Variants in LRRIQ1 observed in about 807,000 individuals in gnomAD.
LRRIQ1 encodes the protein leucine-rich repeat- and IQ domain-containing protein 1.
LRRIQ1 carries 210 observed loss-of-function variants against 211.9 expected under a neutral mutation model. The observed-to-expected ratio is 0.99, with a 90% confidence interval of 0.89 to 1.11. The LOEUF (loss-of-function observed/expected upper bound fraction) is 1.11. LRRIQ1 is among the 50% of genes most tolerant of loss of function. The pLI is 0.00. For synonymous variants in LRRIQ1, 699 were observed against 650.1 expected (o/e 1.08, Z -1.14); for missense variants, 2,136 against 1,939.5 (o/e 1.10, Z -1.90).
rs141856803 is a variant in LRRIQ1 at position 85,104,016 on chromosome 12, C to T, written c.3222C>T (p.Ile1074=). ...TTTTTGTTTTCAGCTTGACTAAAAT[C>T]GTACCACTTTTTCATTTTGTTTCAT... ...ITISQNSLTK[I]VPLFHFVSLE... is the part of the protein sequence containing the mutation. The change falls in exon 14 of 27, where the codon ATC becomes ATT. Residue 1074 remains isoleucine, a synonymous_variant. Transcript: ENST00000393217. 13 of 1,565,966 alleles carry T rather than the reference C, an allele frequency of 8.3e-6. No homozygotes were observed. The highest frequency in any genetic ancestry group is 3.5e-4 in the Middle Eastern group (2 of 5,678).
chr12:85,195,815 A>G (rs1297684368), intron 24 of LRRIQ1, among the ~76,000 whole-genome samples: 1 of 152,116 alleles, frequency 6.6e-6, no homozygotes, highest in Non-Finnish European at 1.5e-5. Flanking sequence ...AGTGTTGGAA[A>G]TTCTGACCAG....
At chr12:85,104,977 T>C (rs1886664523) in intron 14 of LRRIQ1, among the ~76,000 whole-genome samples, 2 of 152,108 alleles carry the variant, frequency 1.3e-5, no homozygotes, top group Non-Finnish European at 2.9e-5. Flanking sequence ...TGGTTTTAGT[T>C]TGCATTGACC....
At position 85,253,206 on chromosome 12, in the gene LRRIQ1, A is replaced by G. The variant is rs972748619; in HGVS notation, c.121+8297A>G. ...TCTTGAGTTTTCTCTTTCCATTCCT[A>G]CAGCAAGGAGTGCTTGGGTGAGAAG... On this transcript the variant is annotated intron_variant, in intron 1 of 1. Transcript: ENST00000602731. 1.1e-4 allele frequency among the ~76,000 whole-genome samples: 16 copies of G among 152,110 alleles called. No homozygotes were observed. In the East Asian group the frequency reaches 2.5e-3, roughly 24 times the overall value.
intron 10 of LRRIQ1, among the ~76,000 whole-genome samples, chr12:85,070,717 G>A (rs761328309): frequency 2.0e-5 from 3 of 151,764 alleles, no homozygotes; most frequent in African/African-American, 4.8e-5. Context: ...TTTGTATTGT[G>A]AACTTGAATT....
chr12:85,184,953 C>A (rs967012872), intron 24 of LRRIQ1, among the ~76,000 whole-genome samples: 1 of 151,834 alleles, frequency 6.6e-6, no homozygotes, highest in Non-Finnish European at 1.5e-5. Context: ...TTAGCCTGAG[C>A]TATTTAAAGT....
rs555072438 is a variant in LRRIQ1, at chr12:85,218,538, T to C, written c.4823-10979T>C. On this transcript the variant is annotated intron_variant, in intron 24 of 26. Coordinates refer to ENST00000393217, the MANE Select transcript of LRRIQ1 (RefSeq NM_001079910.2). ...AAGATAAATACTTTACCCAACATTA[T>C]ACAGCTAGTAAGTGAAAAAGCCAAC... Among the ~76,000 whole-genome samples, 80 of 152,262 alleles carry C rather than the reference T, an allele frequency of 5.3e-4. 1 individual carries two copies. Among genetic ancestry groups the C allele is most frequent in the South Asian group, 1.2e-3 (6 of 4,828 alleles).
intron 24 of LRRIQ1, among the ~76,000 whole-genome samples, chr12:85,187,530 G>A (rs1388990268): frequency 6.6e-6 from 1 of 152,008 alleles, no homozygotes; most frequent in Non-Finnish European, 1.5e-5. Context: ...GGGTCAGCCG[G>A]GCGCGGTGGT....
intron 1 of LRRIQ1, among the ~76,000 whole-genome samples, chr12:85,252,482 A>G (rs1377177350): frequency 6.6e-6 from 1 of 151,988 alleles, no homozygotes; most frequent in African/African-American, 2.4e-5. Flanking sequence ...ATTAAAGTGT[A>G]TGAAGTTTTT....
intron 18 of LRRIQ1, among the ~76,000 whole-genome samples, chr12:85,131,181 C>T (rs988103683): frequency 1.3e-5 from 2 of 151,698 alleles, no homozygotes; most frequent in African/African-American, 2.4e-5. Flanking sequence ...CCACTGCACT[C>T]CAGCCTGGGC....
At chr12:85,220,173 A>C (rs1366029170) in intron 24 of LRRIQ1, among the ~76,000 whole-genome samples, 2 of 152,160 alleles carry the variant, frequency 1.3e-5, no homozygotes, top group Admixed American at 1.3e-4. Flanking sequence ...AGCCACAACT[A>C]TGTCCTCCAA....
chr12:85,198,787 C>G lies in LRRIQ1; in HGVS notation c.4823-30730C>G, dbSNP rs989985107. ...GTTCCACCATGTTAGCCAGAATGGT[C>G]TTGATTTGCTGACCTCGTGATCCAC... On this transcript the variant is annotated intron_variant, in intron 24 of 26. Transcript: ENST00000393217. Among the ~76,000 whole-genome samples, 4 of 152,088 alleles carry G rather than the reference C, an allele frequency of 2.6e-5. No individual in the cohort carries two copies. The South Asian group carries it at 8.3e-4, about 32-fold the overall frequency.
intron 3 of LRRIQ1, 113 bp from the exon 4 acceptor site, chr12:85,044,605 C>A: frequency 2.2e-6 from 1 of 447,868 alleles, no homozygotes; most frequent in South Asian, 5.9e-5. Context: ...TCTTACTGAT[C>A]AACAATATAC....
At chr12:85,108,705 A>G (rs1327151874) in intron 15 of LRRIQ1, among the ~76,000 whole-genome samples, 2 of 152,052 alleles carry the variant, frequency 1.3e-5, no homozygotes, top group Non-Finnish European at 2.9e-5. Flanking sequence ...CACTTTTGAG[A>G]TGGTTTCACA....
intron 15 of LRRIQ1, among the ~76,000 whole-genome samples, chr12:85,114,380 T>G (rs530840774): frequency 6.6e-6 from 1 of 152,244 alleles, no homozygotes; most frequent in East Asian, 1.9e-4. Context: ...ATGACATGAA[T>G]TATCTTGCTG....
Position 85,042,612 on chromosome 12 carries a change from T to C in LRRIQ1, c.244+2011T>C, listed in dbSNP as rs1005556707. On this transcript the variant is annotated intron_variant, in intron 3 of 26. Coordinates refer to ENST00000393217, the MANE Select transcript of LRRIQ1 (RefSeq NM_001079910.2). ...AATTTACATTATGTATTCATTCTTA[T>C]ATGAATTATTTAATTTAAATTATTT... Among the ~76,000 whole-genome samples the C allele has an allele frequency of 1.4e-4, 21 of 150,540 alleles. 2 individuals are homozygous for C. Among genetic ancestry groups the C allele is most frequent in the African/African-American group, 4.6e-4 (19 of 41,408 alleles).
intron 1 of LRRIQ1, among the ~76,000 whole-genome samples, chr12:85,261,466 TA>T (rs1565933115): frequency 6.6e-6 from 1 of 152,116 alleles, no homozygotes; most frequent in East Asian, 1.9e-4. Flanking sequence ...TCAAATGGCC[TA>T]ATGTTTGCTG....
intron 11 of LRRIQ1, among the ~76,000 whole-genome samples, chr12:85,087,253 C>A (rs867582584): frequency 2.0e-5 from 3 of 152,080 alleles, no homozygotes; most frequent in Non-Finnish European, 4.4e-5. Flanking sequence ...TCATCCATGT[C>A]CCTACAAAGG....
At chr12:85,249,718 A>G (rs1231677527), downstream of LRRIQ1, among the ~76,000 whole-genome samples, 1 of 151,942 alleles carries the variant, frequency 6.6e-6, no homozygotes, top group Non-Finnish European at 1.5e-5. Context: ...TTAAATGGAT[A>G]TTGTTTTCCA....
chr12:85,047,751 T>C, intron 6 of LRRIQ1: 1 of 287,866 alleles, frequency 3.5e-6, no homozygotes, highest in African/African-American at 2.2e-5. Context: ...ACAATATAAA[T>C]TGTTGTTTTT....
Sources: allele counts gnomAD v4.1 joint callset (sites outside exome capture counted in the v4.1 genomes callset), GRCh38; gene constraint gnomAD v4.1.1; transcripts MANE v1.5; gene names NCBI Gene and HGNC (gene_info 2026-07-23, HGNC 2026-07-21).